PRDM16: variants seen among roughly 807,000 people sequenced by gnomAD.
PRDM16 encodes the protein histone-lysine N-methyltransferase PRDM16.
Under a neutral mutation model 110.6 loss-of-function variants are expected in PRDM16, and 23 were observed. The observed-to-expected ratio is 0.21, with a 90% CI of 0.15 to 0.29. The LOEUF (loss-of-function observed/expected upper bound fraction) is 0.29. Among genes scored for constraint, PRDM16 ranks in the 10% least tolerant of loss-of-function variants. The pLI is 1.00. For missense variants in PRDM16, 1,615 were observed against 1,794.3 expected, an observed-to-expected ratio of 0.90 and a Z score of 1.81; for synonymous variants, 799 against 781.8, an observed-to-expected ratio of 1.02 and a Z score of -0.37.
chr1:3,113,937 CT>C (rs1380576578), intron 1 of PRDM16, among the ~76,000 whole-genome samples: 1 of 152,032 alleles, frequency 6.6e-6, no homozygotes, highest in East Asian at 1.9e-4. Flanking sequence ...GAATTTTTTT[CT>C]TTTTTTTCTC....
chr1:3,248,952 GAGAC>G (rs1480783794), intron 3 of PRDM16, among the ~76,000 whole-genome samples: 2 of 152,308 alleles, frequency 1.3e-5, no homozygotes, highest in East Asian at 3.9e-4. Context: ...AGTTGGGAGC[GAGAC>G]AGACAGGCAA....
At chr1:3,195,235 T>A (rs1638437493) in intron 2 of PRDM16, among the ~76,000 whole-genome samples, 2 of 151,728 alleles carry the variant, frequency 1.3e-5, no homozygotes, top group Admixed American at 1.3e-4. Flanking sequence ...CGTGGAGGAG[T>A]CACAGCACAG....
intron 1 of PRDM16, among the ~76,000 whole-genome samples, chr1:3,153,479 G>T (rs964672849): frequency 2.6e-5 from 4 of 152,236 alleles, no homozygotes; most frequent in African/African-American, 9.6e-5. Flanking sequence ...CCACAGCGCG[G>T]TCCCCAGGCT....
intron 1 of PRDM16, among the ~76,000 whole-genome samples, chr1:3,146,300 T>G (rs1189803966): frequency 6.6e-6 from 1 of 152,240 alleles, no homozygotes; most frequent in East Asian, 1.9e-4. Flanking sequence ...AGCCACATTC[T>G]CTTTGAAAAA....
intron 2 of PRDM16, among the ~76,000 whole-genome samples, chr1:3,231,403 G>GCCCCCCCT (rs1639407506): frequency 6.6e-6 from 1 of 150,494 alleles, no homozygotes; most frequent in Admixed American, 6.6e-5. Context: ...GGTCAAGGCC[G>GCCCCCCCT]TCTCCCCTTC....
chr1:3,429,950 C>T (rs1332535309), intron 14 of PRDM16, among the ~76,000 whole-genome samples: 1 of 152,212 alleles, frequency 6.6e-6, no homozygotes, highest in African/African-American at 2.4e-5. Context: ...CCGTGGATAC[C>T]TCCCAGGGCA....
intron 2 of PRDM16, among the ~76,000 whole-genome samples, chr1:3,223,849 A>G (rs2651890): frequency 0.4 from 61,084 of 152,112 alleles, 18,149 homozygotes; most frequent in African/African-American, 0.82. Flanking sequence ...CTGTCTCATC[A>G]CCCACCTTGT....
chr1:3,212,321 A>G (rs1157889722), intron 2 of PRDM16, among the ~76,000 whole-genome samples: 9 of 152,090 alleles, frequency 5.9e-5, no homozygotes, highest in Admixed American at 5.9e-4. Context: ...GGTCACCCTC[A>G]GGGGCTGCCT....
At chr1:3,181,072 C>CCTTACACA (rs1644155402) in intron 1 of PRDM16, among the ~76,000 whole-genome samples, 29 of 45,596 alleles carry the variant, frequency 6.4e-4, no homozygotes, top group African/African-American at 1.5e-3. Context: ...TCTTACACAC[C>CCTTACACA]CGGTCTTACA....
intron 14 of PRDM16, among the ~76,000 whole-genome samples, chr1:3,428,871 C>G (rs981367998): frequency 7.9e-5 from 12 of 152,248 alleles, no homozygotes; most frequent in Admixed American, 6.5e-4. Flanking sequence ...GGGCCCCAAT[C>G]CAGCGGCACT....
At chr1:3,416,524 G>A (rs960758686) in intron 10 of PRDM16, among the ~76,000 whole-genome samples, 11 of 152,298 alleles carry the variant, frequency 7.2e-5, no homozygotes, top group South Asian at 6.2e-4. Flanking sequence ...CACCCATTCC[G>A]TGGAGGCTGG....
intron 1 of PRDM16, among the ~76,000 whole-genome samples, chr1:3,173,198 C>T (rs1188711694): frequency 4.6e-5 from 7 of 152,224 alleles, no homozygotes; most frequent in African/African-American, 1.2e-4. Flanking sequence ...TTGCTGCCCC[C>T]GGGGCTCAGG....
intron 3 of PRDM16, among the ~76,000 whole-genome samples, chr1:3,331,612 T>C (rs1642043587): frequency 6.6e-6 from 1 of 152,076 alleles, no homozygotes; most frequent in Non-Finnish European, 1.5e-5. Flanking sequence ...GGAAACACAT[T>C]CGTCCAAATC....
rs889225361 is a variant in PRDM16 at position 3,433,948 on chromosome 1, C to T, written c.*137C>T. On this transcript the variant is annotated 3_prime_UTR_variant, in exon 17 of 17. Coordinates refer to ENST00000270722, the MANE Select transcript of PRDM16 (RefSeq NM_022114.4). ...CCTCCCCACCCACCATGGTTCATTC[C>T]GACTTTTCCAATGGAAACTCAGATC... is the stretch of plus-strand genomic sequence containing the variant. The T allele has an allele frequency of 8.1e-6, 7 of 867,654 alleles. No homozygotes were observed. Among genetic ancestry groups the T allele is most frequent in the African/African-American group, 1.7e-5 (1 of 58,840 alleles). The allele number at this position is 867,654 out of a possible 1,614,324, so 53.7% of individuals were successfully genotyped here.
intron 4 of PRDM16, among the ~76,000 whole-genome samples, chr1:3,385,490 T>C (rs994780649): frequency 4.6e-5 from 7 of 152,134 alleles, no homozygotes; most frequent in South Asian, 2.1e-4. Flanking sequence ...GAGGGCTCCA[T>C]TGGAGCCTTG....
intron 1 of PRDM16, among the ~76,000 whole-genome samples, chr1:3,178,509 C>T (rs763367293): frequency 6.6e-6 from 1 of 152,212 alleles, no homozygotes; most frequent in Non-Finnish European, 1.5e-5. Context: ...CTGGAGGCTG[C>T]CGCTTGCTTT....
intron 3 of PRDM16, among the ~76,000 whole-genome samples, chr1:3,373,800 G>T (rs575942161): frequency 6.6e-6 from 1 of 152,236 alleles, no homozygotes; most frequent in South Asian, 2.1e-4. Context: ...CAGCCAACGC[G>T]TGCTGCCCTC....
intron 1 of PRDM16, among the ~76,000 whole-genome samples, chr1:3,158,772 T>A (rs1442051083): frequency 6.6e-6 from 1 of 150,622 alleles, no homozygotes; most frequent in East Asian, 2.0e-4. Context: ...TTTCTTTTCT[T>A]TCCTTCTTTT....
intron 3 of PRDM16, among the ~76,000 whole-genome samples, chr1:3,333,310 G>A (rs1376316050): frequency 1.3e-5 from 2 of 152,150 alleles, no homozygotes; most frequent in African/African-American, 4.8e-5. Context: ...CAGGGGTCTG[G>A]CTCAGAAAGC....
Sources: allele counts gnomAD v4.1 joint callset (sites outside exome capture counted in the v4.1 genomes callset), GRCh38; gene constraint gnomAD v4.1.1; transcripts MANE v1.5; gene names NCBI Gene and HGNC (gene_info 2026-07-23, HGNC 2026-07-21).